Variants in NFAT5 observed in about 807,000 individuals in gnomAD.
NFAT5 encodes the protein nuclear factor of activated T-cells 5.
Under a neutral mutation model 166.5 loss-of-function variants are expected in NFAT5, and 31 were observed. The observed-to-expected ratio is 0.19, with a 90% CI of 0.14 to 0.25. The LOEUF is 0.25. NFAT5 is among the 10% of genes least tolerant of loss of function. NFAT5 has a pLI of 1.00. For synonymous variants in NFAT5, 612 were observed against 639.7 expected (o/e 0.96, Z 0.65); for missense variants, 1,449 against 1,821.8 (o/e 0.80, Z 3.72).
chr16:69,571,849 T>G (rs555432260), intron 2 of NFAT5, among the ~76,000 whole-genome samples: 4 of 152,096 alleles, frequency 2.6e-5, no homozygotes, highest in Non-Finnish European at 5.9e-5. Context: ...AAGCTCCACC[T>G]CCTGGGTTCA....
chr16:69,692,463 C>A lies in NFAT5; in HGVS notation c.2638C>A (p.Pro880Thr). 2 of 1,614,136 alleles carry A rather than the reference C, an allele frequency of 1.2e-6. No homozygotes were observed. Among genetic ancestry groups the A allele is most frequent in the South Asian group, 2.2e-5 (2 of 91,080 alleles). The change falls in exon 13 of 15, where the codon CCT becomes ACT. Residue 880 changes from proline (P) to threonine (T), a missense_variant. By Grantham distance (38) the Pro-to-Thr change is conservative (BLOSUM62 -1). Coordinates refer to ENST00000349945, the MANE Select transcript of NFAT5 (RefSeq NM_138713.4). ...CCATACCAGACCAGATAATTTATTA[C>A]CTGGAAGAGCTGAAAGTGTTCATCC... is the stretch of plus-strand genomic sequence containing the variant. ...TVHTRPDNLL[P>T]GRAESVHPQS...
chr16:69,583,544 C>T (rs1339799750), intron 2 of NFAT5, among the ~76,000 whole-genome samples: 1 of 152,060 alleles, frequency 6.6e-6, no homozygotes, highest in Non-Finnish European at 1.5e-5. Context: ...CAAGATTATG[C>T]ATGTGTTAAG....
rs896946702 is a variant in NFAT5 at position 69,669,598 on chromosome 16, A to G, written c.1370-379A>G. Among the ~76,000 whole-genome samples, 3 of 152,222 alleles carry G rather than the reference A, an allele frequency of 2.0e-5. No homozygotes were observed. In the East Asian group the frequency reaches 5.8e-4, roughly 29 times the overall value. On this transcript the variant is annotated intron_variant, in intron 7 of 14. Coordinates refer to ENST00000349945, the MANE Select transcript of NFAT5 (RefSeq NM_138713.4). ...TAGGGATGCTCAACCTGTATTTAAC[A>G]AAGACAGGATACTTGTTTGTATCAA...
intron 2 of NFAT5, among the ~76,000 whole-genome samples, chr16:69,592,728 G>T (rs1051910520): frequency 3.9e-5 from 6 of 152,120 alleles, no homozygotes; most frequent in African/African-American, 1.4e-4. Context: ...AAAAATATAA[G>T]AATGCTTATT....
At chr16:69,681,653 C>T (rs1357023337) in intron 10 of NFAT5, among the ~76,000 whole-genome samples, 1 of 152,146 alleles carries the variant, frequency 6.6e-6, no homozygotes, top group African/African-American at 2.4e-5. Context: ...CACGGTGGCT[C>T]ACGCCTGTAA....
chr16:69,654,129 AAT>A (rs1567578518), intron 5 of NFAT5, among the ~76,000 whole-genome samples: 1 of 152,182 alleles, frequency 6.6e-6, no homozygotes, highest in Non-Finnish European at 1.5e-5. Context: ...TGGTATAAAG[AAT>A]ATTTGTCTTT....
intron 4 of NFAT5, among the ~76,000 whole-genome samples, chr16:69,649,858 A>T (rs1273813275): frequency 1.3e-5 from 2 of 151,984 alleles, no homozygotes; most frequent in Non-Finnish European, 2.9e-5. Context: ...AAATGTATAC[A>T]GCAGTTTATT....
At position 69,693,578 on chromosome 16, in the gene NFAT5, G is replaced by A. The variant is rs1386036692; in HGVS notation, c.3753G>A (p.Gln1251=). The change falls in exon 13 of 15, where the codon CAG becomes CAA. Residue 1251 remains glutamine, a synonymous_variant. Transcript: ENST00000349945. ...AAAGCCAACAAGGAACCATGTTCCA[G>A]TCACAGCACTCAATAGTTGCCATGC... is the stretch of plus-strand genomic sequence containing the variant. ...MPQSQQGTMF[Q]SQHSIVAMQS... 3.1e-6 allele frequency: 5 copies of A among 1,613,998 alleles called. No individual in the cohort carries two copies. The highest frequency in any genetic ancestry group is 1.7e-5 in the Admixed American group (1 of 59,988).
chr16:69,568,338 A>ATGTGTGTGTGTG (rs1567505195), intron 1 of NFAT5, among the ~76,000 whole-genome samples, 157 bp from the exon 2 acceptor site: 1 of 35,248 alleles, frequency 2.8e-5, no homozygotes, highest in African/African-American at 2.1e-4. Context: ...ATGTGTGTAT[A>ATGTGTGTGTGTG]TATATATATG....
intron 5 of NFAT5, among the ~76,000 whole-genome samples, chr16:69,655,031 A>T (rs1281700038): frequency 6.6e-6 from 1 of 152,196 alleles, no homozygotes; most frequent in East Asian, 1.9e-4. Flanking sequence ...AGAGACCTGT[A>T]ATGATCCATA....
At chr16:69,633,127 A>G (rs1339290569) in intron 3 of NFAT5, among the ~76,000 whole-genome samples, 1 of 152,202 alleles carries the variant, frequency 6.6e-6, no homozygotes, top group Non-Finnish European at 1.5e-5. Flanking sequence ...GCCAAAAAGC[A>G]AACTTGGCCT....
At chr16:69,587,906 A>G (rs911895881) in intron 2 of NFAT5, among the ~76,000 whole-genome samples, 4 of 143,240 alleles carry the variant, frequency 2.8e-5, no homozygotes, top group African/African-American at 1.0e-4. Flanking sequence ...AAATTATTTT[A>G]GGTATAAATT....
rs368887403 is a variant in NFAT5 at position 69,626,379 on chromosome 16, C to T, written c.128-24C>T. On this transcript the variant is annotated intron_variant, in intron 2 of 14. Coordinates refer to ENST00000349945, the MANE Select transcript of NFAT5 (RefSeq NM_138713.4). ...CTGAATCTCTTTTAAAAATTGTTTT[C>T]TCCTCTCTTTCCCCTCCCCACAGAA... 92 of 1,547,004 alleles carry T rather than the reference C, an allele frequency of 5.9e-5. No individual in the cohort carries two copies. In the African/African-American group the frequency reaches 1.2e-3, roughly 20 times the overall value.
At chr16:69,579,129 C>T (rs150300400) in intron 2 of NFAT5, among the ~76,000 whole-genome samples, 8,956 of 152,206 alleles carry the variant, frequency 0.059, 288 homozygotes, top group Middle Eastern at 0.11. Flanking sequence ...CTGTCTCAGC[C>T]TCCCAAAGTA....
At position 69,692,473 on chromosome 16, in the gene NFAT5, C is replaced by A. The variant is rs776220458; in HGVS notation, c.2648C>A (p.Ala883Asp). 2.5e-6 allele frequency: 4 copies of A among 1,614,186 alleles called. No homozygotes were observed. The highest frequency in any genetic ancestry group is 3.4e-6 in the Non-Finnish European group (4 of 1,180,040). ...CCAGATAATTTATTACCTGGAAGAG[C>A]TGAAAGTGTTCATCCACAGTCTGAA... ...TRPDNLLPGR[A>D]ESVHPQSENT... The change falls in exon 13 of 15, where the codon GCT becomes GAT. Residue 883 changes from alanine to aspartate, a missense_variant. Around this residue, in one of 7 missense-constraint regions of NFAT5, gnomAD observed 891 missense variants for 993.0 expected, o/e 0.90. Coordinates refer to ENST00000349945, the MANE Select transcript of NFAT5 (RefSeq NM_138713.4).
chr16:69,580,735 A>G (rs955432845), intron 2 of NFAT5, among the ~76,000 whole-genome samples: 9 of 151,998 alleles, frequency 5.9e-5, no homozygotes, highest in African/African-American at 1.9e-4. Flanking sequence ...GGCTCGCTGC[A>G]AGCTCTGCCT....
Position 69,566,396 on chromosome 16 carries a change from G to A in NFAT5, c.73+22G>A. 1 of 1,521,006 alleles carries A rather than the reference G, an allele frequency of 6.6e-7. No individual in the cohort carries two copies. Among genetic ancestry groups the A allele is most frequent in the Non-Finnish European group, 9.0e-7 (1 of 1,113,656 alleles). 94.2% of individuals were successfully genotyped at this position (1,521,006 alleles called of 1,614,324 possible). On this transcript the variant is annotated intron_variant, in intron 1 of 14. Coordinates refer to ENST00000349945, the MANE Select transcript of NFAT5 (RefSeq NM_138713.4). The surrounding 1 kb of genome is among the most constrained non-coding windows in gnomAD (Gnocchi z 5.7). ...CGAGGTGAGTCAGGCTGTGGGGGGT[G>A]GGGCGTGGGGGCGGGGAGACAGGGA... is the stretch of plus-strand genomic sequence containing the variant.
chr16:69,592,531 C>A lies in NFAT5; in HGVS notation c.127+23983C>A, dbSNP rs750532113. On this transcript the variant is annotated intron_variant, in intron 2 of 14. Coordinates refer to ENST00000349945, the MANE Select transcript of NFAT5 (RefSeq NM_138713.4). ...TAAAAGCTTGTGATTATTTCAAATT[C>A]TTATGATCTCAAGTCTTGACTAAAA... 1.1e-3 allele frequency among the ~76,000 whole-genome samples: 167 copies of A among 152,206 alleles called. 2 individuals are homozygous for A. The highest frequency in any genetic ancestry group is 2.8e-4 in the Non-Finnish European group (19 of 67,996).
chr16:69,693,540 A>C lies in NFAT5; in HGVS notation c.3715A>C (p.Asn1239His), dbSNP rs749037145. The change falls in exon 13 of 15, where the codon AAT becomes CAT. Residue 1239 changes from asparagine (N) to histidine (H), a missense_variant. This residue lies in a region of NFAT5 where 891 missense variants were observed against 993.0 expected (regional missense o/e 0.90). Transcript: ENST00000349945. ...PQVALGSLPP[N>H]PMPQSQQGTM... ...GGTGGCCCTGGGCTCCCTTCCACCT[A>C]ATCCAATGCCTCAAAGCCAACAAGG... 5 of 1,614,164 alleles carry C rather than the reference A, an allele frequency of 3.1e-6. No individual in the cohort carries two copies. The highest frequency in any genetic ancestry group is 1.1e-5 in the South Asian group (1 of 91,078).
Sources: gnomAD v4.1 joint callset for allele counts (sites outside exome capture counted in the v4.1 genomes callset) on GRCh38, gnomAD v4.1.1 for gene constraint, gnomAD v4.1.1 regional missense constraint, Gnocchi (gnomAD v3.1) non-coding constraint, MANE v1.5 for transcripts, NCBI Gene and HGNC (gene_info 2026-07-23, HGNC 2026-07-21) for gene names.